STPG2: variants seen among roughly 807,000 people sequenced by gnomAD.
STPG2 encodes sperm-tail PG-rich repeat-containing protein 2.
In STPG2, 56 loss-of-function variants were observed where a neutral mutation model predicts 54.2. The observed-to-expected ratio is 1.03, with a 90% confidence interval of 0.83 to 1.29. The LOEUF (loss-of-function observed/expected upper bound fraction) is 1.29. Ranked by LOEUF, STPG2 falls within the 50% of genes most tolerant of loss-of-function variation. STPG2 has a pLI of 0.00. For synonymous variants in STPG2, 200 were observed against 181.8 expected, an observed-to-expected ratio of 1.10 and a Z score of -0.81; for missense variants, 596 against 544.9, an observed-to-expected ratio of 1.09 and a Z score of -0.93.
chr4:97,452,272 C>T (rs537094693), intron 4 of STPG2, among the ~76,000 whole-genome samples: 5 of 152,184 alleles, frequency 3.3e-5, no homozygotes, highest in South Asian at 2.1e-4. Context: ...TGGCTTCTCC[C>T]GGCTCTCCAC....
At chr4:97,947,574 A>C (rs540893176) in intron 7 of STPG2, among the ~76,000 whole-genome samples, 1 of 152,096 alleles carries the variant, frequency 6.6e-6, no homozygotes, top group African/African-American at 2.4e-5. Context: ...ATTTGAACTA[A>C]GTCCCTTTTA....
chr4:97,446,399 G>A (rs777146788), intron 4 of STPG2, among the ~76,000 whole-genome samples: 3 of 152,098 alleles, frequency 2.0e-5, no homozygotes, highest in Non-Finnish European at 2.9e-5. Flanking sequence ...CTAGAAGAGC[G>A]ATACAAATAT....
chr4:97,873,108 T>A (rs1339441671), intron 8 of STPG2, among the ~76,000 whole-genome samples: 1 of 151,322 alleles, frequency 6.6e-6, no homozygotes, highest in East Asian at 1.9e-4. Context: ...TATATCTATA[T>A]CCTCACGTAC....
intron 7 of STPG2, among the ~76,000 whole-genome samples, chr4:97,969,659 T>A (rs1047896069): frequency 1.3e-5 from 2 of 152,112 alleles, no homozygotes; most frequent in Non-Finnish European, 2.9e-5. Context: ...ATGGCACGTA[T>A]CTCAAAATAA....
chr4:98,038,105 G>A (rs928875872), intron 5 of STPG2, among the ~76,000 whole-genome samples: 1 of 143,196 alleles, frequency 7.0e-6, no homozygotes, highest in South Asian at 2.3e-4. Context: ...GAACTCCTGG[G>A]CTAAAGCTAT....
At chr4:97,687,054 C>T (rs897675435) in intron 10 of STPG2, among the ~76,000 whole-genome samples, 2 of 151,588 alleles carry the variant, frequency 1.3e-5, no homozygotes, top group Non-Finnish European at 2.9e-5. Flanking sequence ...CATTCTCCTG[C>T]CTCAGCCTCC....
chr4:97,950,702 C>A (rs1733431670), intron 7 of STPG2, among the ~76,000 whole-genome samples: 1 of 152,158 alleles, frequency 6.6e-6, no homozygotes, highest in South Asian at 2.1e-4. Flanking sequence ...TTCTTCTGAC[C>A]TCCACGCTGT....
chr4:97,995,410 C>T (rs1428695935), intron 5 of STPG2, among the ~76,000 whole-genome samples: 1 of 151,894 alleles, frequency 6.6e-6, no homozygotes, highest in Non-Finnish European at 1.5e-5. Context: ...GTGGGTCTCT[C>T]CACACGGCTC....
intron 9 of STPG2, among the ~76,000 whole-genome samples, chr4:97,728,984 T>C (rs1361077554): frequency 6.8e-6 from 1 of 147,134 alleles, no homozygotes; most frequent in African/African-American, 2.5e-5. Flanking sequence ...AGAAGCAGAG[T>C]GGGAGAAAGA....
chr4:97,457,479 CT>C (rs1324251497), intron 4 of STPG2, among the ~76,000 whole-genome samples: 1 of 152,190 alleles, frequency 6.6e-6, no homozygotes, highest in Non-Finnish European at 1.5e-5. Context: ...GAACATTCCC[CT>C]TTAGCCAAGC....
intron 4 of STPG2, among the ~76,000 whole-genome samples, chr4:97,509,892 G>T (rs114683114): frequency 6.6e-6 from 1 of 151,916 alleles, no homozygotes; most frequent in African/African-American, 2.4e-5. Context: ...CCTTATCAAT[G>T]ACTTTACATA....
chr4:97,954,314 T>C (rs193048246), intron 7 of STPG2, among the ~76,000 whole-genome samples: 3 of 152,190 alleles, frequency 2.0e-5, no homozygotes, highest in Non-Finnish European at 4.4e-5. Flanking sequence ...GCTACTGGTG[T>C]GCAGGTGCAC....
intron 4 of STPG2, among the ~76,000 whole-genome samples, chr4:97,526,614 T>C (rs1380889252): frequency 6.6e-6 from 1 of 152,100 alleles, no homozygotes; most frequent in Non-Finnish European, 1.5e-5. Flanking sequence ...TTTTCTCCCA[T>C]TCTACTAGGT....
At chr4:97,977,436 T>C (rs1322067015) in intron 6 of STPG2, among the ~76,000 whole-genome samples, 3 of 152,224 alleles carry the variant, frequency 2.0e-5, no homozygotes, top group African/African-American at 7.2e-5. Context: ...GTTACTTGAA[T>C]AGCTATTCTA....
At position 97,672,610 on chromosome 4, in the gene STPG2, C is replaced by G. The variant is rs576679846; in HGVS notation, c.1320+40089G>C. On this transcript the variant is annotated intron_variant, in intron 10 of 10. Coordinates refer to ENST00000295268, the MANE Select transcript of STPG2 (RefSeq NM_174952.3). ...GGAGAGTTATGTGGGTATATATCCACAAATAGCTATGACATAAGATAGGAA... is the reference window on the plus strand; with the variant it reads ...GGAGAGTTATGTGGGTATATATCCAGAAATAGCTATGACATAAGATAGGAA... Among the ~76,000 whole-genome samples the G allele has an allele frequency of 7.2e-5, 11 of 152,116 alleles. No homozygotes were observed. In the East Asian group the frequency reaches 2.1e-3, roughly 29 times the overall value.
At chr4:98,043,714 A>G (rs1737035408) in intron 5 of STPG2, among the ~76,000 whole-genome samples, 1 of 152,074 alleles carries the variant, frequency 6.6e-6, no homozygotes, top group Non-Finnish European at 1.5e-5. Flanking sequence ...TTTAATAAAA[A>G]TTACTTAAAA....
At chr4:97,858,226 C>T (rs1465673769) in intron 8 of STPG2, among the ~76,000 whole-genome samples, 1 of 151,876 alleles carries the variant, frequency 6.6e-6, no homozygotes, top group Non-Finnish European at 1.5e-5. Flanking sequence ...TTACTACAAA[C>T]AAGACTACCT....
chr4:97,490,031 G>C (rs1730464359), intron 4 of STPG2: 1 of 151,276 alleles, frequency 6.6e-6, no homozygotes. Flanking sequence ...AAGAAATCCA[G>C]GGAAGATTTA....
At position 97,840,291 on chromosome 4, in the gene STPG2, G is replaced by GT. The variant is rs532038450; in HGVS notation, c.1204+481dup. Among the ~76,000 whole-genome samples, 15 of 151,294 alleles carry GT rather than the reference G, an allele frequency of 9.9e-5. No individual in the cohort carries two copies. The East Asian group carries it at 2.9e-3, about 29-fold the overall frequency. ...ACAACTTTAGCATGTTATGAGTTCT[G>GT]TTTTTTTCCCTAATAGAATGCTGAA... On this transcript the variant is annotated intron_variant, in intron 9 of 10. Transcript: ENST00000295268.
Sources: allele counts gnomAD v4.1 joint callset (sites outside exome capture counted in the v4.1 genomes callset), GRCh38; gene constraint gnomAD v4.1.1; transcripts MANE v1.5; gene names NCBI Gene and HGNC (gene_info 2026-07-23, HGNC 2026-07-21).